Variants in GPR83 observed in about 807,000 individuals in gnomAD.
The protein encoded by GPR83 is G protein-coupled receptor 83.
GPR83 carries 23 observed loss-of-function variants against 28.0 expected under a neutral mutation model. The ratio of observed to expected loss-of-function variants is 0.82; its 90% CI spans 0.59 to 1.16. GPR83 has a LOEUF of 1.16. GPR83 is among the 50% of genes most tolerant of loss of function. GPR83 has a pLI of 0.00. For synonymous variants in GPR83, 234 were observed against 215.4 expected, an observed-to-expected ratio of 1.09 and a Z score of -0.76; for missense variants, 610 against 536.6, an observed-to-expected ratio of 1.14 and a Z score of -1.35.
intron 3 of GPR83, among the ~76,000 whole-genome samples, chr11:94,384,271 C>A (rs551862672): frequency 1.3e-5 from 2 of 152,288 alleles, no homozygotes; most frequent in Admixed American, 6.5e-5. Context: ...AGGCCTTCAA[C>A]AAAATTCAGC....
intron 3 of GPR83, among the ~76,000 whole-genome samples, chr11:94,381,087 T>C (rs1345297106): frequency 6.6e-6 from 1 of 152,184 alleles, no homozygotes; most frequent in Non-Finnish European, 1.5e-5. Flanking sequence ...TGTTTCCAGG[T>C]TGAAAACTAA....
intron 3 of GPR83, among the ~76,000 whole-genome samples, chr11:94,387,494 A>G (rs1363798677): frequency 6.6e-6 from 1 of 152,244 alleles, no homozygotes; most frequent in Non-Finnish European, 1.5e-5. Context: ...GATAAAGCAG[A>G]TATCACCACT....
chr11:94,388,849 A>G (rs1944785372), intron 3 of GPR83, among the ~76,000 whole-genome samples: 1 of 152,236 alleles, frequency 6.6e-6, no homozygotes, highest in South Asian at 2.1e-4. Context: ...GAACCAAAAA[A>G]GAGCCCACAT....
chr11:94,400,821 C>A, intron 1 of GPR83, 40 bp downstream of exon 1: 1 of 1,593,718 alleles, frequency 6.3e-7, no homozygotes, highest in Non-Finnish European at 8.6e-7. Flanking sequence ...GAAAGGGAGA[C>A]GAAGACAGAA....
chr11:94,389,744 C>T (rs887158719), intron 3 of GPR83, among the ~76,000 whole-genome samples: 15 of 152,138 alleles, frequency 9.9e-5, no homozygotes, highest in Non-Finnish European at 1.5e-4. Flanking sequence ...AGTTCAACCA[C>T]TGTGGAAGTC....
chr11:94,385,383 G>C (rs1358156174), intron 3 of GPR83, among the ~76,000 whole-genome samples: 1 of 152,166 alleles, frequency 6.6e-6, no homozygotes, highest in Admixed American at 6.5e-5. Flanking sequence ...GAAGGCTTCA[G>C]ACGATCAAAC....
At position 94,401,305 on chromosome 11, in the gene GPR83, G is replaced by T. The variant is rs1270281965; in HGVS notation, c.-58C>A. On this transcript the variant is annotated 5_prime_UTR_variant, in exon 1 of 4. Transcript: ENST00000243673. ...CGGGCCGGGCGTCCCCTCCCGCTGG[G>T]ATCGGAGCGCGCAGCCGGGGTGCGG... 9.3e-6 allele frequency: 14 copies of T among 1,501,910 alleles called. No individual in the cohort carries two copies. The South Asian group carries it at 1.2e-4, about 13-fold the overall frequency. 93.0% of individuals were successfully genotyped at this position (1,501,910 alleles called of 1,614,324 possible). A position where few individuals can be genotyped will look rare whatever the true frequency, so the allele number is the denominator to read the frequency against.
At position 94,378,378 on chromosome 11, in the gene GPR83, T is replaced by A. The variant is rs1028850593; in HGVS notation, c.*1771A>T. 1 of 152,216 alleles carries A rather than the reference T, an allele frequency of 6.6e-6. No homozygotes were observed. The highest frequency in any genetic ancestry group is 2.4e-5 in the African/African-American group (1 of 41,448). The allele number at this position is 152,216 out of a possible 1,614,324, so 9.4% of individuals were successfully genotyped here. A position where few individuals can be genotyped will look rare whatever the true frequency, so the allele number is the denominator to read the frequency against. Reference sequence around the variant, plus strand: ...ATCCATGCTTTGATTTCAGAGTTTATCTGGTGCTAGAAGAAAACCTAAAAG... The same window carrying A: ...ATCCATGCTTTGATTTCAGAGTTTAACTGGTGCTAGAAGAAAACCTAAAAG... On this transcript the variant is annotated 3_prime_UTR_variant, in exon 4 of 4. Coordinates refer to ENST00000243673, the MANE Select transcript of GPR83 (RefSeq NM_016540.4).
At chr11:94,392,769 T>C (rs568722515) in intron 3 of GPR83, among the ~76,000 whole-genome samples, 2 of 151,940 alleles carry the variant, frequency 1.3e-5, no homozygotes, top group African/African-American at 4.8e-5. Flanking sequence ...GAGGTTACAG[T>C]GATCTGAGAT....
At chr11:94,384,024 C>T (rs1358485895) in intron 3 of GPR83, among the ~76,000 whole-genome samples, 2 of 151,630 alleles carry the variant, frequency 1.3e-5, no homozygotes, top group Admixed American at 6.6e-5. Flanking sequence ...GGCAGAGACA[C>T]AACAAAAAAA....
In GPR83 at chr11:94,396,468, G is replaced by C; in HGVS notation, c.444C>G (p.Arg148=). 6.2e-7 allele frequency: 1 copy of C among 1,614,138 alleles called. No homozygotes were observed. Among genetic ancestry groups the C allele is most frequent in the Non-Finnish European group, 8.5e-7 (1 of 1,179,968 alleles). ...IFGKGMCHVS[R]FAQYCSLHVS... ...CGTGCAGTGAGCAGTACTGGGCAAA[G>C]CGGCTGACATGGCACATGCCCTTCC... Residue 148 remains arginine (R), a synonymous_variant, in exon 2 of 4, where the codon CGC becomes CGG. Coordinates refer to ENST00000243673, the MANE Select transcript of GPR83 (RefSeq NM_016540.4).
Position 94,401,001 on chromosome 11 carries a change from CAAT to C in GPR83, c.244_246del (p.Ile82del). 1.2e-6 allele frequency: 2 copies of C among 1,614,188 alleles called. No individual in the cohort carries two copies. The highest frequency in any genetic ancestry group is 1.1e-5 in the South Asian group (1 of 91,082). On this transcript the variant is annotated inframe_deletion, in exon 1 of 4. Coordinates refer to ENST00000243673, the MANE Select transcript of GPR83 (RefSeq NM_016540.4). Reference sequence around the variant, plus strand: ...AGGACGTTGCCAAAGAGTGAGAAGACAATGATGAAGGAGTAAGCCACAATGAGC... The same window carrying C: ...AGGACGTTGCCAAAGAGTGAGAAGACGATGAAGGAGTAAGCCACAATGAGC...
chr11:94,388,728 T>G (rs1250162525), intron 3 of GPR83, among the ~76,000 whole-genome samples: 1 of 152,116 alleles, frequency 6.6e-6, no homozygotes, highest in Admixed American at 6.5e-5. Context: ...GAATCAGTAT[T>G]GTGAAAATGG....
At chr11:94,389,562 T>C (rs1026128705) in intron 3 of GPR83, among the ~76,000 whole-genome samples, 1 of 152,082 alleles carries the variant, frequency 6.6e-6, no homozygotes, top group Non-Finnish European at 1.5e-5. Flanking sequence ...AACAGACACA[T>C]GAAAAAATGC....
intron 1 of GPR83, among the ~76,000 whole-genome samples, chr11:94,397,389 G>A (rs1944876574): frequency 6.6e-6 from 1 of 152,230 alleles, no homozygotes; most frequent in Non-Finnish European, 1.5e-5. Context: ...TCAAGTGCAA[G>A]ACAGAAAGTA....
intron 3 of GPR83, among the ~76,000 whole-genome samples, chr11:94,387,706 A>G (rs1944774641): frequency 6.6e-6 from 1 of 152,226 alleles, no homozygotes; most frequent in African/African-American, 2.4e-5. Flanking sequence ...AACCAAAAAA[A>G]GTCCAGGACC....
chr11:94,385,723 T>A (rs964244891), intron 3 of GPR83, among the ~76,000 whole-genome samples: 1 of 152,216 alleles, frequency 6.6e-6, no homozygotes, highest in Admixed American at 6.5e-5. Context: ...TATGTCTGAT[T>A]GGTGTATCTG....
At position 94,399,418 on chromosome 11, in the gene GPR83, A is replaced by G. The variant is rs148611544; in HGVS notation, c.387+1443T>C. Among the ~76,000 whole-genome samples, 308 of 152,256 alleles carry G rather than the reference A, an allele frequency of 2.0e-3. 2 individuals are homozygous for G. Among genetic ancestry groups the G allele is most frequent in the Non-Finnish European group, 3.6e-3 (246 of 68,022 alleles). The stretch of plus-strand genomic sequence containing the variant: ...TCACTCCCAGCTGGCTGGTTAGTGG[A>G]CCGACCTCTGGATTTGAGTTAGGGG... On this transcript the variant is annotated intron_variant, in intron 1 of 3. Transcript: ENST00000243673.
Position 94,380,429 on chromosome 11 carries a change from T to G in GPR83, c.992A>C (p.His331Pro). 6.2e-7 allele frequency: 1 copy of G among 1,614,082 alleles called. No individual in the cohort carries two copies. Among genetic ancestry groups the G allele is most frequent in the Non-Finnish European group, 8.5e-7 (1 of 1,179,984 alleles). Residue 331 changes from histidine (H) to proline (P), a missense_variant, in exon 4 of 4, where the codon CAC becomes CCC. Physicochemically the swap from His to Pro is moderately conservative, Grantham distance 77. Coordinates refer to ENST00000243673, the MANE Select transcript of GPR83 (RefSeq NM_016540.4). ...GCAGGTGCTGCTCATGGCAAACCAG[T>G]GGAAGGCAAAGTAGAGGGCATTGTT... ...RTNNALYFAF[H>P]WFAMSSTCYN...
Sources: gnomAD v4.1 joint callset for allele counts (sites outside exome capture counted in the v4.1 genomes callset) on GRCh38, gnomAD v4.1.1 for gene constraint, MANE v1.5 for transcripts, NCBI Gene and HGNC (gene_info 2026-07-23, HGNC 2026-07-21) for gene names.